CERKL: variants seen among roughly 807,000 people sequenced by gnomAD.
CERKL encodes ceramide kinase-like protein.
Under a neutral mutation model 63.4 loss-of-function variants are expected in CERKL, and 61 were observed. That is an observed-to-expected ratio of 0.96 (90% CI 0.78 to 1.19). CERKL has a LOEUF of 1.19. Ranked by LOEUF, CERKL falls within the 50% of genes most tolerant of loss-of-function variation. The pLI, the probability that CERKL is intolerant of heterozygous loss-of-function variation, is 0.00. For missense variants in CERKL, 675 were observed against 655.5 expected (o/e 1.03, Z -0.33); for synonymous variants, 250 against 230.5 (o/e 1.08, Z -0.77).
In CERKL at chr2:181,582,928, C is replaced by T. The variant is rs564824065; in HGVS notation, c.482-9044G>A. ...GACTTTCCCACCAAACCTAGTCTAC[C>T]TATCCACAGTCTTGCCCATCTCACT... On this transcript the variant is annotated intron_variant, in intron 2 of 12. Transcript: ENST00000410087. 2.6e-5 allele frequency among the ~76,000 whole-genome samples: 4 copies of T among 152,254 alleles called. No individual in the cohort carries two copies. In the East Asian group the frequency reaches 7.7e-4, roughly 29 times the overall value.
intron 1 of CERKL, among the ~76,000 whole-genome samples, chr2:181,650,570 C>T (rs1687885284): frequency 6.6e-6 from 1 of 152,016 alleles, no homozygotes; most frequent in East Asian, 1.9e-4. Flanking sequence ...ACCAGCCTGA[C>T]CAACATGGAG....
intron 1 of CERKL, among the ~76,000 whole-genome samples, chr2:181,636,561 G>A (rs997970292): frequency 6.6e-6 from 1 of 151,974 alleles, no homozygotes; most frequent in African/African-American, 2.4e-5. Flanking sequence ...TTCCTTGCAT[G>A]CTATTCAAAG....
intron 1 of CERKL, among the ~76,000 whole-genome samples, chr2:181,606,889 T>C (rs1248767878): frequency 6.6e-6 from 1 of 152,166 alleles, no homozygotes; most frequent in African/African-American, 2.4e-5. Flanking sequence ...GTTTGTCCTG[T>C]CCCGGTCAGT....
chr2:181,605,993 T>C (rs904610380), intron 1 of CERKL, among the ~76,000 whole-genome samples: 13 of 147,960 alleles, frequency 8.8e-5, no homozygotes, highest in Non-Finnish European at 1.8e-4. Context: ...TCACAAAGTA[T>C]ACATACCACT....
chr2:181,580,568 C>T (rs1684460079), intron 2 of CERKL, among the ~76,000 whole-genome samples: 1 of 152,112 alleles, frequency 6.6e-6, no homozygotes, highest in African/African-American at 2.4e-5. Context: ...TAATAAAGGA[C>T]ATTCCTGTCA....
At chr2:181,652,590 A>G (rs1411891721) in intron 1 of CERKL, among the ~76,000 whole-genome samples, 3 of 152,206 alleles carry the variant, frequency 2.0e-5, no homozygotes, top group East Asian at 1.9e-4. Context: ...GATTTTTAAA[A>G]TAAGACCTCA....
At chr2:181,645,156 G>A (rs772781377) in intron 1 of CERKL, among the ~76,000 whole-genome samples, 6 of 152,224 alleles carry the variant, frequency 3.9e-5, no homozygotes, top group East Asian at 3.9e-4. Context: ...ATATACTGGC[G>A]ATTCATTTAA....
At chr2:181,655,154 C>T (rs764865254) in intron 1 of CERKL, among the ~76,000 whole-genome samples, 2 of 147,818 alleles carry the variant, frequency 1.4e-5, no homozygotes, top group Non-Finnish European at 3.0e-5. Flanking sequence ...GTACTTGCAA[C>T]CTTTAAAGTT....
At chr2:181,541,897 T>G (rs1687521436) in intron 11 of CERKL, among the ~76,000 whole-genome samples, 1 of 152,162 alleles carries the variant, frequency 6.6e-6, no homozygotes, top group South Asian at 2.1e-4. Context: ...GCTGTAGACA[T>G]GTTGGCCTCC....
rs939780872 is a variant in CERKL at position 181,657,072 on chromosome 2, C to T, written c.-66G>A. On this transcript the variant is annotated 5_prime_UTR_variant, in exon 1 of 13. Transcript: ENST00000410087. ...GGCCTTTGGAGAAGGAGGTGGAGGGCGCGGCAGCCCCAGCTCTAGCCGCGT... is the reference window on the plus strand; with the variant it reads ...GGCCTTTGGAGAAGGAGGTGGAGGGTGCGGCAGCCCCAGCTCTAGCCGCGT... 1.0e-5 allele frequency: 14 copies of T among 1,397,178 alleles called. No individual in the cohort carries two copies. In the African/African-American group the frequency reaches 1.6e-4, roughly 16 times the overall value. The allele number at this position is 1,397,178 out of a possible 1,614,324, so 86.5% of individuals were successfully genotyped here.
chr2:181,582,081 A>G (rs1477593590), intron 2 of CERKL, among the ~76,000 whole-genome samples: 1 of 152,154 alleles, frequency 6.6e-6, no homozygotes, highest in Non-Finnish European at 1.5e-5. Flanking sequence ...TTTGTCACCA[A>G]TCTTTCTCTT....
intron 1 of CERKL, among the ~76,000 whole-genome samples, chr2:181,621,752 T>A (rs1686464025): frequency 6.6e-6 from 1 of 152,206 alleles, no homozygotes; most frequent in South Asian, 2.1e-4. Flanking sequence ...TTAGGTACAT[T>A]ATGTAGCATG....
At chr2:181,548,118 T>A in intron 8 of CERKL, 1 of 579,906 alleles carries the variant, frequency 1.7e-6, no homozygotes, top group East Asian at 2.9e-5. Context: ...GGCTTTAATA[T>A]TTGTATTACA....
chr2:181,616,170 G>C (rs1003033104), intron 1 of CERKL, among the ~76,000 whole-genome samples: 1 of 147,686 alleles, frequency 6.8e-6, no homozygotes, highest in Non-Finnish European at 1.5e-5. Flanking sequence ...TTCATGTGAA[G>C]TCTAAGATGA....
At chr2:181,585,525 A>C (rs909491163) in intron 2 of CERKL, among the ~76,000 whole-genome samples, 1 of 152,170 alleles carries the variant, frequency 6.6e-6, no homozygotes, top group Admixed American at 6.5e-5. Flanking sequence ...AACCAGAGTT[A>C]TCAAAGTTAA....
chr2:181,546,071 A>G (rs1047857977), intron 10 of CERKL, among the ~76,000 whole-genome samples: 1 of 152,180 alleles, frequency 6.6e-6, no homozygotes, highest in Non-Finnish European at 1.5e-5. Flanking sequence ...CATCTCTGAA[A>G]AATCTCCGGT....
At chr2:181,628,319 T>C (rs1023414578) in intron 1 of CERKL, among the ~76,000 whole-genome samples, 1 of 152,210 alleles carries the variant, frequency 6.6e-6, no homozygotes, top group Non-Finnish European at 1.5e-5. Flanking sequence ...AGCTCTGTCG[T>C]ACTTTACCTA....
chr2:181,544,505 A>G (rs1188717184), intron 11 of CERKL, among the ~76,000 whole-genome samples, 195 bp downstream of exon 11: 1 of 121,694 alleles, frequency 8.2e-6, no homozygotes, highest in Non-Finnish European at 1.9e-5. Context: ...TCATCATTCA[A>G]AAAAGGCCAA....
At chr2:181,551,321 G>C (rs1559073356) in intron 5 of CERKL, among the ~76,000 whole-genome samples, 1 of 151,896 alleles carries the variant, frequency 6.6e-6, no homozygotes, top group Non-Finnish European at 1.5e-5. Flanking sequence ...ATCTGAAAAA[G>C]AAATCAAGAA....
Sources: gnomAD v4.1 joint callset for allele counts (sites outside exome capture counted in the v4.1 genomes callset) on GRCh38, gnomAD v4.1.1 for gene constraint, MANE v1.5 for transcripts, NCBI Gene and HGNC (gene_info 2026-07-23, HGNC 2026-07-21) for gene names.